Variants in ASIC2 observed in about 807,000 individuals in gnomAD.
ASIC2 encodes acid-sensing ion channel 2.
In ASIC2, 25 loss-of-function variants were observed where a neutral mutation model predicts 57.3. The observed-to-expected ratio is 0.44, with a 90% CI of 0.32 to 0.61. The LOEUF (loss-of-function observed/expected upper bound fraction) is 0.61. Among genes scored for constraint, ASIC2 ranks in the 20% least tolerant of loss-of-function variants. The pLI, the probability that ASIC2 is intolerant of heterozygous loss-of-function variation, is 0.06. For missense variants in ASIC2, 641 were observed against 738.1 expected, an observed-to-expected ratio of 0.87 and a Z score of 1.52; for synonymous variants, 319 against 307.5, an observed-to-expected ratio of 1.04 and a Z score of -0.39.
chr17:33,980,941 A>ACTTTTTTTTTTTTTTTTTTTTTTTTT, intron 1 of ASIC2: 2 of 12,682 alleles, frequency 1.6e-4, no homozygotes, highest in Non-Finnish European at 4.2e-4. Flanking sequence ...CCTCAAGTGT[A>ACTTTTTTTTTTTTTTTTTTTTTTTTT]ATTTTTTTTT....
intron 1 of ASIC2, among the ~76,000 whole-genome samples, chr17:33,573,546 G>A (rs565600619): frequency 1.3e-5 from 2 of 152,190 alleles, no homozygotes; most frequent in Admixed American, 6.5e-5. Flanking sequence ...TTGTTTGCCT[G>A]CTTTAAATCT....
At chr17:34,144,623 A>C (rs1912367018) in intron 1 of ASIC2, among the ~76,000 whole-genome samples, 1 of 152,186 alleles carries the variant, frequency 6.6e-6, no homozygotes, top group African/African-American at 2.4e-5. Context: ...CCTATGGGGT[A>C]CCAGTATTAT....
chr17:33,485,298 A>T (rs891695927), intron 1 of ASIC2, among the ~76,000 whole-genome samples: 1 of 152,244 alleles, frequency 6.6e-6, no homozygotes, highest in African/African-American at 2.4e-5. Context: ...CAAAGCAGAC[A>T]TGGTTAGGAA....
chr17:33,778,557 A>C (rs1028445545), intron 1 of ASIC2, among the ~76,000 whole-genome samples: 6 of 152,174 alleles, frequency 3.9e-5, no homozygotes, highest in Admixed American at 2.6e-4. Context: ...ACTTGTCACC[A>C]CTGAGATAAT....
At chr17:33,987,423 A>T (rs11080245) in intron 1 of ASIC2, among the ~76,000 whole-genome samples, 2 of 152,008 alleles carry the variant, frequency 1.3e-5, no homozygotes, top group Non-Finnish European at 2.9e-5. Flanking sequence ...CCCTAGCAAC[A>T]CTTTCCCACA....
At position 33,610,464 on chromosome 17, in the gene ASIC2, T is replaced by C. The variant is rs1377085883; in HGVS notation, c.556-498397A>G. ...GAGGCACCACACCCCCCACCGCCCATTGCCCCGCAATTTTGCCTCTTAACC... is the reference window on the plus strand; with the variant it reads ...GAGGCACCACACCCCCCACCGCCCACTGCCCCGCAATTTTGCCTCTTAACC... On this transcript the variant is annotated intron_variant, in intron 1 of 9. Coordinates refer to the ASIC2 transcript ENST00000359872. Among the ~76,000 whole-genome samples the C allele has an allele frequency of 2.0e-5, 3 of 152,132 alleles. No individual in the cohort carries two copies. In the East Asian group the frequency reaches 5.8e-4, roughly 29 times the overall value.
intron 1 of ASIC2, among the ~76,000 whole-genome samples, chr17:33,536,411 T>A (rs1188130456): frequency 6.6e-6 from 1 of 152,232 alleles, no homozygotes; most frequent in Non-Finnish European, 1.5e-5. Context: ...GTTGATGTCA[T>A]ATTGAAAGTT....
chr17:33,601,840 A>G (rs972875685), intron 1 of ASIC2, among the ~76,000 whole-genome samples: 1 of 152,236 alleles, frequency 6.6e-6, no homozygotes, highest in Non-Finnish European at 1.5e-5. Context: ...GATGCAGGAC[A>G]TGGAGTCAAA....
chr17:34,027,523 A>C (rs1244433554), intron 1 of ASIC2, among the ~76,000 whole-genome samples: 4 of 152,188 alleles, frequency 2.6e-5, no homozygotes, highest in Non-Finnish European at 1.5e-5. Context: ...AACCAACCTG[A>C]GCACTTTATT....
intron 1 of ASIC2, among the ~76,000 whole-genome samples, chr17:33,287,960 C>T (rs1404956694): frequency 6.6e-6 from 1 of 152,126 alleles, no homozygotes; most frequent in African/African-American, 2.4e-5. Context: ...AGGAATTAAG[C>T]CAGGAGCCTT....
intron 1 of ASIC2, among the ~76,000 whole-genome samples, chr17:33,978,432 T>C (rs1382509638): frequency 2.0e-5 from 3 of 152,146 alleles, no homozygotes; most frequent in Non-Finnish European, 4.4e-5. Context: ...GTGATTAGAA[T>C]GTCTTGCCCT....
chr17:33,228,695 A>T (rs1211501912), intron 1 of ASIC2, among the ~76,000 whole-genome samples: 1 of 152,264 alleles, frequency 6.6e-6, no homozygotes, highest in African/African-American at 2.4e-5. Flanking sequence ...CGTGTGAATG[A>T]GCTGGAGTCA....
chr17:33,236,111 A>G (rs1267211950), intron 1 of ASIC2, among the ~76,000 whole-genome samples: 1 of 152,068 alleles, frequency 6.6e-6, no homozygotes, highest in Non-Finnish European at 1.5e-5. Flanking sequence ...CTGGGATTAC[A>G]GGGAGTTGAT....
intron 1 of ASIC2, among the ~76,000 whole-genome samples, chr17:33,786,921 C>G (rs1031486317): frequency 2.0e-5 from 3 of 152,204 alleles, no homozygotes; most frequent in African/African-American, 7.2e-5. Flanking sequence ...AATTTTATTC[C>G]TCTCAAGCAC....
chr17:33,622,111 C>T (rs890474058), intron 1 of ASIC2, among the ~76,000 whole-genome samples: 6 of 151,876 alleles, frequency 4.0e-5, no homozygotes, highest in Non-Finnish European at 8.8e-5. Context: ...CAGGATCCTA[C>T]TAGGTGCCTG....
intron 1 of ASIC2, among the ~76,000 whole-genome samples, chr17:33,881,278 A>G (rs1914692719): frequency 6.6e-6 from 1 of 152,210 alleles, no homozygotes; most frequent in Admixed American, 6.5e-5. Context: ...AGGCAGGAGA[A>G]GGAAATAAAG....
At chr17:33,076,914 C>T (rs1052395546) in intron 3 of ASIC2, among the ~76,000 whole-genome samples, 3 of 152,198 alleles carry the variant, frequency 2.0e-5, no homozygotes, top group Admixed American at 2.0e-4. Context: ...GTTTGGTGTA[C>T]ATGAGTATGT....
chr17:33,969,664 G>A (rs1905170983), intron 1 of ASIC2, among the ~76,000 whole-genome samples: 1 of 152,164 alleles, frequency 6.6e-6, no homozygotes, highest in Admixed American at 6.5e-5. Context: ...CCGAGGGACG[G>A]GAGCTGTACC....
chr17:33,043,261 T>TA (rs2091937131), intron 3 of ASIC2, among the ~76,000 whole-genome samples: 2 of 152,356 alleles, frequency 1.3e-5, no homozygotes, highest in South Asian at 4.1e-4. Flanking sequence ...TTCAGTCACT[T>TA]GCCACACTGC....
Sources: gnomAD v4.1 joint callset for allele counts (sites outside exome capture counted in the v4.1 genomes callset) on GRCh38, gnomAD v4.1.1 for gene constraint, MANE v1.5 for transcripts, NCBI Gene and HGNC (gene_info 2026-07-23, HGNC 2026-07-21) for gene names.